GRIP1: variants seen among roughly 807,000 people sequenced by gnomAD.
The protein encoded by GRIP1 is glutamate receptor interacting protein 1, also known as glutamate receptor-interacting protein 1.
In GRIP1, 45 loss-of-function variants were observed where a neutral mutation model predicts 129.9. The observed-to-expected ratio is 0.35, with a 90% CI of 0.27 to 0.44. The LOEUF is 0.44. Among genes scored for constraint, GRIP1 ranks in the 20% least tolerant of loss-of-function variants. The probability of loss-of-function intolerance (pLI) is 1.00; values close to 1 mark genes in which losing one functional copy is unlikely to be tolerated. For synonymous variants in GRIP1, 530 were observed against 520.8 expected (o/e 1.02, Z -0.24); for missense variants, 1,196 against 1,396.8 (o/e 0.86, Z 2.29).
At chr12:66,694,433 TATA>T (rs1279732388) in intron 1 of GRIP1, among the ~76,000 whole-genome samples, 1 of 152,208 alleles carries the variant, frequency 6.6e-6, no homozygotes, top group East Asian at 1.9e-4. Flanking sequence ...GATTTCATCC[TATA>T]ATAATAAAAA....
At chr12:67,005,638 T>C (rs1233646364) in intron 1 of GRIP1, among the ~76,000 whole-genome samples, 1 of 152,224 alleles carries the variant, frequency 6.6e-6, no homozygotes, top group Non-Finnish European at 1.5e-5. Flanking sequence ...TGCTGTGTGA[T>C]TGCACTTGTC....
intron 1 of GRIP1, among the ~76,000 whole-genome samples, chr12:66,723,229 TCTCTC>T (rs2036124056): frequency 1.5e-4 from 4 of 25,890 alleles, no homozygotes; most frequent in African/African-American, 4.4e-4. Flanking sequence ...TTTCTTTCTC[TCTCTC>T]TCTCTCTTCC....
chr12:66,831,932 T>C (rs1412521289), intron 1 of GRIP1, among the ~76,000 whole-genome samples: 1 of 152,226 alleles, frequency 6.6e-6, no homozygotes, highest in East Asian at 1.9e-4. Flanking sequence ...TTTTAGTACG[T>C]GTTTGTAACC....
At chr12:66,608,100 T>C (rs924428924) in intron 1 of GRIP1, among the ~76,000 whole-genome samples, 2 of 152,160 alleles carry the variant, frequency 1.3e-5, no homozygotes, top group African/African-American at 2.4e-5. Context: ...AATTGTCACA[T>C]ATTTTGCTTT....
At chr12:66,700,557 C>T (rs569341098) in intron 1 of GRIP1, among the ~76,000 whole-genome samples, 58 of 152,206 alleles carry the variant, frequency 3.8e-4, no homozygotes, top group Non-Finnish European at 6.9e-4. Context: ...AAGTGATCCT[C>T]CCGCCTCAGG....
chr12:66,377,105 T>G, intron 21 of GRIP1, 44 bp from the exon 22 acceptor site: 3 of 1,589,824 alleles, frequency 1.9e-6, no homozygotes, highest in Non-Finnish European at 2.6e-6. Flanking sequence ...GTGTGAGAAA[T>G]GCAAACTTAA....
chr12:67,019,394 A>T (rs1362949743), intron 1 of GRIP1, among the ~76,000 whole-genome samples: 2 of 152,308 alleles, frequency 1.3e-5, no homozygotes, highest in Non-Finnish European at 2.9e-5. Context: ...GCTCAGCCCC[A>T]CGGCTGGCCC....
At chr12:66,787,078 C>T (rs2038372160) in intron 1 of GRIP1, among the ~76,000 whole-genome samples, 1 of 152,082 alleles carries the variant, frequency 6.6e-6, no homozygotes, top group South Asian at 2.1e-4. Context: ...GCACAAGTAA[C>T]CTTGGATACC....
At chr12:67,020,486 C>T (rs763007447) in intron 1 of GRIP1, among the ~76,000 whole-genome samples, 1 of 152,164 alleles carries the variant, frequency 6.6e-6, no homozygotes, top group Non-Finnish European at 1.5e-5. Context: ...TAGCTCACTG[C>T]AGTCTTGGAC....
chr12:66,712,081 A>G (rs2035730499), intron 1 of GRIP1, among the ~76,000 whole-genome samples: 1 of 151,972 alleles, frequency 6.6e-6, no homozygotes, highest in Admixed American at 6.6e-5. Context: ...GGGTGCTATC[A>G]AATCTTAAAA....
At chr12:66,483,186 C>T (rs904635630) in intron 7 of GRIP1, among the ~76,000 whole-genome samples, 3 of 152,092 alleles carry the variant, frequency 2.0e-5, no homozygotes, top group Non-Finnish European at 4.4e-5. Flanking sequence ...TAAGAAAGTA[C>T]CTTTTGGGAG....
At chr12:66,560,513 A>T (rs554489857) in intron 2 of GRIP1, among the ~76,000 whole-genome samples, 1 of 152,256 alleles carries the variant, frequency 6.6e-6, no homozygotes, top group African/African-American at 2.4e-5. Flanking sequence ...AAATGGGCAA[A>T]ATATTTGATT....
chr12:67,014,879 T>A (rs2042762300), intron 1 of GRIP1, among the ~76,000 whole-genome samples: 1 of 152,208 alleles, frequency 6.6e-6, no homozygotes, highest in South Asian at 2.1e-4. Flanking sequence ...AACTGAGTCA[T>A]CAAAAAAAAT....
chr12:66,433,516 C>T (rs1479897992), intron 13 of GRIP1, among the ~76,000 whole-genome samples: 1 of 152,126 alleles, frequency 6.6e-6, no homozygotes, highest in African/African-American at 2.4e-5. Flanking sequence ...AGAGAGAGAA[C>T]CAGTGTACAC....
chr12:66,875,035 C>A (rs1455551576), intron 1 of GRIP1, among the ~76,000 whole-genome samples: 1 of 151,910 alleles, frequency 6.6e-6, no homozygotes, highest in Admixed American at 6.6e-5. Flanking sequence ...AAGATAGGAA[C>A]CATGTTTTAT....
At chr12:66,360,851 C>T (rs953323309) in intron 23 of GRIP1, among the ~76,000 whole-genome samples, 2 of 152,168 alleles carry the variant, frequency 1.3e-5, no homozygotes, top group Non-Finnish European at 2.9e-5. Flanking sequence ...CAAGTCATGG[C>T]AATTGACAGC....
chr12:66,664,393 ACAT>A (rs1313789810), intron 1 of GRIP1, among the ~76,000 whole-genome samples: 2 of 152,222 alleles, frequency 1.3e-5, no homozygotes, highest in African/African-American at 4.8e-5. Context: ...TCTCTAACAT[ACAT>A]TAGATAAACA....
intron 1 of GRIP1, among the ~76,000 whole-genome samples, chr12:66,872,706 C>A (rs1195565337): frequency 2.0e-5 from 3 of 152,052 alleles, no homozygotes; most frequent in African/African-American, 7.2e-5. Context: ...ATAAATACTG[C>A]TTCTACGGAA....
intron 11 of GRIP1, among the ~76,000 whole-genome samples, chr12:66,455,102 AAAAATC>A (rs1462370075): frequency 6.6e-6 from 1 of 152,210 alleles, no homozygotes; most frequent in African/African-American, 2.4e-5. Flanking sequence ...GTCTTAAAGG[AAAAATC>A]ATATCTTTGG....
Sources: allele counts gnomAD v4.1 joint callset (sites outside exome capture counted in the v4.1 genomes callset), GRCh38; gene constraint gnomAD v4.1.1; transcripts MANE v1.5; gene names NCBI Gene and HGNC (gene_info 2026-07-23, HGNC 2026-07-21).